TNKS: variants seen among roughly 807,000 people sequenced by gnomAD.
TNKS encodes poly [ADP-ribose] polymerase tankyrase-1.
In TNKS, 72 loss-of-function variants were observed where a neutral mutation model predicts 135.8. The ratio of observed to expected loss-of-function variants is 0.53; its 90% CI spans 0.44 to 0.64. The LOEUF (loss-of-function observed/expected upper bound fraction) is 0.64. Among genes scored for constraint, TNKS ranks in the 30% least tolerant of loss-of-function variants. The pLI is 0.00. For synonymous variants in TNKS, 849 were observed against 649.3 expected, an observed-to-expected ratio of 1.31 and a Z score of -4.68; for missense variants, 1,769 against 1,674.0, an observed-to-expected ratio of 1.06 and a Z score of -0.99.
intron 11 of TNKS, among the ~76,000 whole-genome samples, chr8:9,714,054 T>G (rs754659669): frequency 2.6e-5 from 4 of 152,188 alleles, no homozygotes; most frequent in Non-Finnish European, 4.4e-5. Context: ...CAGAAGAATT[T>G]GGGATGAAGA....
At chr8:9,605,678 T>C (rs1799189725) in intron 2 of TNKS, among the ~76,000 whole-genome samples, 1 of 152,110 alleles carries the variant, frequency 6.6e-6, no homozygotes, top group Non-Finnish European at 1.5e-5. Context: ...CTTTTTAGTT[T>C]GTATTTTTCT....
At chr8:9,571,041 G>T (rs1486282968) in intron 1 of TNKS, among the ~76,000 whole-genome samples, 1 of 151,994 alleles carries the variant, frequency 6.6e-6, no homozygotes, top group Non-Finnish European at 1.5e-5. Flanking sequence ...TTACATTCGG[G>T]GGCATTTTGC....
At chr8:9,761,403 A>G in intron 20 of TNKS, 113 bp from the exon 21 acceptor site, 1 of 1,159,224 alleles carries the variant, frequency 8.6e-7, no homozygotes, top group Non-Finnish European at 1.2e-6. Flanking sequence ...TAAAGGGAAC[A>G]AAAGAATTTT....
intron 5 of TNKS, among the ~76,000 whole-genome samples, chr8:9,687,098 A>G (rs1053198819): frequency 5.9e-5 from 9 of 152,186 alleles, no homozygotes; most frequent in Non-Finnish European, 1.0e-4. Flanking sequence ...AGGAAGTGTT[A>G]GCATTACCTG....
intron 26 of TNKS, among the ~76,000 whole-genome samples, chr8:9,773,070 G>A (rs1291923259): frequency 6.6e-6 from 1 of 151,632 alleles, no homozygotes; most frequent in Non-Finnish European, 1.5e-5. Context: ...GAATAAATTT[G>A]TCATATTTTT....
At chr8:9,673,958 C>T (rs1187322170) in intron 3 of TNKS, among the ~76,000 whole-genome samples, 1 of 151,964 alleles carries the variant, frequency 6.6e-6, no homozygotes, top group Non-Finnish European at 1.5e-5. Flanking sequence ...TTTTTATTTA[C>T]CTTCTAGTTA....
chr8:9,730,432 A>G (rs1391293283), intron 13 of TNKS, among the ~76,000 whole-genome samples: 1 of 152,176 alleles, frequency 6.6e-6, no homozygotes, highest in Non-Finnish European at 1.5e-5. Context: ...CAGGCAGAAA[A>G]ATAATTCTCC....
At chr8:9,604,716 A>G (rs888088420) in intron 2 of TNKS, among the ~76,000 whole-genome samples, 2 of 151,888 alleles carry the variant, frequency 1.3e-5, no homozygotes, top group African/African-American at 4.8e-5. Context: ...AGTTCTAGGA[A>G]AATCTGTGGC....
At position 9,556,233 on chromosome 8, in the gene TNKS, C is replaced by G. The variant is rs528459594; in HGVS notation, c.294C>G (p.Thr98=). Residue 98 remains threonine (T), a synonymous_variant, in exon 1 of 27, where the codon ACC becomes ACG. Coordinates refer to ENST00000310430, the MANE Select transcript of TNKS (RefSeq NM_003747.3). ...GCAGTACCACCAGCACAATCTGTAC[C>G]GTCGCCGCCGCTCCCGTGGTCCCAG... ...SCCSTTSTIC[T]VAAAPVVPAV... The G allele has an allele frequency of 4.2e-5, 67 of 1,614,196 alleles. No homozygotes were observed. The highest frequency in any genetic ancestry group is 1.2e-4 in the Admixed American group (7 of 60,030).
In TNKS at chr8:9,780,267, T is replaced by G. The variant is rs1342495057; in HGVS notation, c.*3531T>G. On this transcript the variant is annotated 3_prime_UTR_variant, in exon 27 of 27. Coordinates refer to ENST00000310430, the MANE Select transcript of TNKS (RefSeq NM_003747.3). ...CCTTGCAAACAGAAGTGGTGTGTAT[T>G]TTCAAGCACCTTTCCCCCATTGTAT... is the stretch of plus-strand genomic sequence containing the variant. 6.6e-6 allele frequency: 1 copy of G among 152,032 alleles called. No individual in the cohort carries two copies. Among genetic ancestry groups the G allele is most frequent in the Admixed American group, 6.6e-5 (1 of 15,260 alleles). The allele number at this position is 152,032 out of a possible 1,614,324, so 9.4% of individuals were successfully genotyped here. A position where few individuals can be genotyped will look rare whatever the true frequency, so the allele number is the denominator to read the frequency against.
chr8:9,611,434 CTG>C (rs1417280803), intron 2 of TNKS, among the ~76,000 whole-genome samples: 2 of 152,178 alleles, frequency 1.3e-5, no homozygotes, highest in African/African-American at 2.4e-5. Context: ...TAATATGACA[CTG>C]TATCATCAAG....
At chr8:9,591,826 G>C (rs1798601222) in intron 2 of TNKS, among the ~76,000 whole-genome samples, 1 of 152,106 alleles carries the variant, frequency 6.6e-6, no homozygotes. Flanking sequence ...GGAATAATAA[G>C]ATTTCTGCTT....
chr8:9,741,145 C>T (rs143527518), intron 17 of TNKS: 2 of 152,382 alleles, frequency 1.3e-5, no homozygotes, highest in African/African-American at 2.4e-5. Context: ...TTATAACTTA[C>T]ACATGTATAT....
At chr8:9,745,092 C>T (rs908879474) in intron 17 of TNKS, among the ~76,000 whole-genome samples, 2 of 152,108 alleles carry the variant, frequency 1.3e-5, no homozygotes, top group Non-Finnish European at 2.9e-5. Flanking sequence ...AGCTTGTAAC[C>T]TCACTGGGGA....
intron 2 of TNKS, among the ~76,000 whole-genome samples, chr8:9,591,800 G>C (rs1156874441): frequency 2.0e-5 from 3 of 152,100 alleles, no homozygotes; most frequent in Admixed American, 6.5e-5. Flanking sequence ...AAAGTATTTG[G>C]TGTTTCATCA....
chr8:9,691,847 G>T (rs1313367352), intron 5 of TNKS, among the ~76,000 whole-genome samples: 1 of 151,924 alleles, frequency 6.6e-6, no homozygotes, highest in Non-Finnish European at 1.5e-5. Context: ...TCTACATCTT[G>T]CACTGGACAC....
chr8:9,751,551 A>G (rs771766605), intron 18 of TNKS, 58 bp from the exon 19 acceptor site: 1 of 1,499,898 alleles, frequency 6.7e-7, no homozygotes, highest in Non-Finnish European at 9.1e-7. Flanking sequence ...ATCAGTGAAA[A>G]ACTTACCATT....
intron 3 of TNKS, among the ~76,000 whole-genome samples, chr8:9,618,957 A>C (rs1799756502): frequency 6.6e-6 from 1 of 152,232 alleles, no homozygotes; most frequent in African/African-American, 2.4e-5. Flanking sequence ...ACTTTTCTAC[A>C]ACCTGAGTTT....
chr8:9,618,088 G>A (rs1001454429), intron 3 of TNKS, among the ~76,000 whole-genome samples: 7 of 149,706 alleles, frequency 4.7e-5, no homozygotes, highest in African/African-American at 1.5e-4. Context: ...CCGGGTTCAA[G>A]CGATTCTTCT....
Sources: gnomAD v4.1 joint callset for allele counts (sites outside exome capture counted in the v4.1 genomes callset) on GRCh38, gnomAD v4.1.1 for gene constraint, MANE v1.5 for transcripts, NCBI Gene and HGNC (gene_info 2026-07-23, HGNC 2026-07-21) for gene names.